The following NELL2 variants were observed in gnomAD, a reference collection of about 807,000 sequenced individuals.
NELL2 encodes neural EGFL like 2, also known as protein kinase C-binding protein NELL2.
Under a neutral mutation model 109.6 loss-of-function variants are expected in NELL2, and 41 were observed. That is an observed-to-expected ratio of 0.37 (90% confidence interval 0.29 to 0.49). The LOEUF (loss-of-function observed/expected upper bound fraction) is 0.49. Ranked by LOEUF, NELL2 falls within the 20% of genes least tolerant of loss-of-function variation. NELL2 has a pLI of 0.98. For synonymous variants in NELL2, 355 were observed against 344.7 expected, an observed-to-expected ratio of 1.03 and a Z score of -0.33; for missense variants, 900 against 1,008.3, an observed-to-expected ratio of 0.89 and a Z score of 1.45.
rs755144648 is a variant in NELL2 at position 44,774,701 on chromosome 12, G to A, written c.994+46C>T. 8.3e-5 allele frequency: 121 copies of A among 1,452,060 alleles called. 1 individual carries two copies. Among genetic ancestry groups the A allele is most frequent in the Middle Eastern group, 5.2e-4 (3 of 5,770 alleles). The allele number at this position is 1,452,060 out of a possible 1,614,324, so 89.9% of individuals were successfully genotyped here. A position where few individuals can be genotyped will look rare whatever the true frequency, so the allele number is the denominator to read the frequency against. ...ATGGGTGAATACTTATTAATACAGT[G>A]CTTTATTTTTCCAAAGAAAGTATTC... is the stretch of plus-strand genomic sequence containing the variant. On this transcript the variant is annotated intron_variant, in intron 9 of 19. Coordinates refer to ENST00000429094, the MANE Select transcript of NELL2 (RefSeq NM_001145108.2).
At chr12:44,644,191 T>G (rs886676233) in intron 13 of NELL2, among the ~76,000 whole-genome samples, 5 of 152,090 alleles carry the variant, frequency 3.3e-5, no homozygotes, top group Admixed American at 3.3e-4. Flanking sequence ...CAGGCCATTA[T>G]GTAGCAGCAG....
chr12:44,633,439 T>C (rs999326249), intron 13 of NELL2, among the ~76,000 whole-genome samples: 1 of 152,122 alleles, frequency 6.6e-6, no homozygotes, highest in Non-Finnish European at 1.5e-5. Context: ...TTACCCAGTA[T>C]GATTTGCAGC....
At chr12:44,784,025 A>G (rs1794384415) in intron 3 of NELL2, among the ~76,000 whole-genome samples, 1 of 152,128 alleles carries the variant, frequency 6.6e-6, no homozygotes, top group South Asian at 2.1e-4. Flanking sequence ...AATATTTGAA[A>G]ATCAATCCAT....
At chr12:44,611,892 T>C (rs1388075636) in intron 13 of NELL2, among the ~76,000 whole-genome samples, 1 of 152,080 alleles carries the variant, frequency 6.6e-6, no homozygotes, top group Non-Finnish European at 1.5e-5. Flanking sequence ...GGAAATGCAA[T>C]ATGTGAGAAA....
chr12:44,860,875 T>A, intron 2 of NELL2, among the ~76,000 whole-genome samples: 1 of 152,320 alleles, frequency 6.6e-6, no homozygotes, highest in South Asian at 2.1e-4. Flanking sequence ...ACATCCATTG[T>A]ACATGCAAAA....
intron 12 of NELL2, among the ~76,000 whole-genome samples, chr12:44,698,671 T>G (rs1949133492): frequency 6.6e-6 from 1 of 152,198 alleles, no homozygotes; most frequent in South Asian, 2.1e-4. Context: ...CAGACTATAC[T>G]AAACTATTTC....
At chr12:44,591,561 A>C (rs1944751622) in intron 15 of NELL2, among the ~76,000 whole-genome samples, 1 of 152,148 alleles carries the variant, frequency 6.6e-6, no homozygotes. Flanking sequence ...CATGGAACCT[A>C]AAAAAGTTTA....
At position 44,911,726 on chromosome 12, in the gene NELL2, T is replaced by C. The variant is rs1273114888; in HGVS notation, c.38+2073A>G. 5.3e-5 allele frequency among the ~76,000 whole-genome samples: 8 copies of C among 151,762 alleles called. No homozygotes were observed. In the South Asian group the frequency reaches 1.7e-3, roughly 31 times the overall value. ...CATAATCCTGCCTTCGAGTCACCGA[T>C]AAACAAGAGAAAAAACATGTATGTA... On this transcript the variant is annotated intron_variant, in intron 1 of 20. Transcript: ENST00000333837.
chr12:44,513,707 A>G (rs974193001), intron 19 of NELL2, among the ~76,000 whole-genome samples: 6 of 151,904 alleles, frequency 3.9e-5, no homozygotes, highest in African/African-American at 1.4e-4. Context: ...AGACAAAGCA[A>G]TAGAAATTAT....
chr12:44,688,141 T>C (rs1278401221), intron 12 of NELL2, among the ~76,000 whole-genome samples: 4 of 152,182 alleles, frequency 2.6e-5, no homozygotes, highest in African/African-American at 9.7e-5. Context: ...ATTACACATA[T>C]TCTATATTGA....
At chr12:44,702,191 G>A (rs1040047440) in intron 12 of NELL2, among the ~76,000 whole-genome samples, 6 of 152,006 alleles carry the variant, frequency 3.9e-5, no homozygotes, top group African/African-American at 1.2e-4. Flanking sequence ...ACATCATCCT[G>A]TTTCATTTTC....
At chr12:44,880,326 T>C (rs1006384414), upstream of NELL2, among the ~76,000 whole-genome samples, 1 of 151,938 alleles carries the variant, frequency 6.6e-6, no homozygotes, top group Non-Finnish European at 1.5e-5. Context: ...AGAAACCAAA[T>C]AGAACTTCTA....
chr12:44,852,869 A>C (rs964719319), intron 2 of NELL2, among the ~76,000 whole-genome samples: 2 of 152,174 alleles, frequency 1.3e-5, no homozygotes, highest in Non-Finnish European at 1.5e-5. Flanking sequence ...AATTGAACCC[A>C]CAGCAGCAAA....
chr12:44,812,818 A>G (rs1021815394), intron 3 of NELL2, among the ~76,000 whole-genome samples: 1 of 152,174 alleles, frequency 6.6e-6, no homozygotes, highest in African/African-American at 2.4e-5. Context: ...TGATGCTGAA[A>G]AAAAGGCAAT....
At chr12:44,702,237 C>A (rs1168940678) in intron 12 of NELL2, among the ~76,000 whole-genome samples, 1 of 152,098 alleles carries the variant, frequency 6.6e-6, no homozygotes, top group Non-Finnish European at 1.5e-5. Flanking sequence ...ATTGTCTTCT[C>A]TAGTTCTATA....
intron 9 of NELL2, among the ~76,000 whole-genome samples, chr12:44,728,210 T>C (rs781504921): frequency 9.2e-5 from 14 of 152,118 alleles, no homozygotes; most frequent in Admixed American, 2.6e-4. Flanking sequence ...AGGAAACTGA[T>C]ACATGAACAA....
At chr12:44,851,785 C>A (rs919679658) in intron 2 of NELL2, 1 of 152,128 alleles carries the variant, frequency 6.6e-6, no homozygotes, top group African/African-American at 2.4e-5. Flanking sequence ...AGGTTGGCAA[C>A]AATCTGTACC....
chr12:44,560,612 CT>C (rs1943437077), intron 15 of NELL2, among the ~76,000 whole-genome samples: 1 of 152,074 alleles, frequency 6.6e-6, no homozygotes, highest in South Asian at 2.1e-4. Flanking sequence ...AACATACACC[CT>C]CCCAAGGCTA....
chr12:44,717,998 T>G (rs1199916740), intron 9 of NELL2, among the ~76,000 whole-genome samples: 3 of 152,124 alleles, frequency 2.0e-5, no homozygotes, highest in Non-Finnish European at 4.4e-5. Flanking sequence ...CTATAAGCCA[T>G]TAAGAGGTCT....
Sources: gnomAD v4.1 joint callset for allele counts (sites outside exome capture counted in the v4.1 genomes callset) on GRCh38, gnomAD v4.1.1 for gene constraint, MANE v1.5 for transcripts, NCBI Gene and HGNC (gene_info 2026-07-23, HGNC 2026-07-21) for gene names.